ZNF90: variants seen among roughly 807,000 people sequenced by gnomAD.
ZNF90 encodes zinc finger protein 90, also known as zinc finger protein HTF9.
ZNF90 carries 11 observed loss-of-function variants against 12.0 expected under a neutral mutation model. The observed-to-expected ratio is 0.92, with a 90% CI of 0.58 to 1.52. ZNF90 has a LOEUF of 1.52. ZNF90 is among the 40% of genes most tolerant of loss of function. The pLI is 0.00. For synonymous variants in ZNF90, 232 were observed against 240.1 expected (o/e 0.97, Z 0.31); for missense variants, 765 against 711.5 (o/e 1.08, Z -0.86).
chr19:20,117,077 C>T (rs2089144565), intron 3 of ZNF90, among the ~76,000 whole-genome samples: 1 of 146,512 alleles, frequency 6.8e-6, no homozygotes, highest in African/African-American at 2.6e-5. Flanking sequence ...GAATGTCATT[C>T]TGTTCCCTAT....
intron 1 of ZNF90, among the ~76,000 whole-genome samples, chr19:20,085,797 G>T (rs1353039058): frequency 6.6e-6 from 1 of 152,052 alleles, no homozygotes; most frequent in South Asian, 2.1e-4. Flanking sequence ...CATATTAACA[G>T]CTAAATAAAC....
Position 20,108,988 on chromosome 19 carries a change from G to T in ZNF90, c.226+3672G>T, listed in dbSNP as rs894649968. On this transcript the variant is annotated intron_variant, in intron 3 of 3. Coordinates refer to ENST00000418063, the MANE Select transcript of ZNF90 (RefSeq NM_007138.2). ...TCTGCCCACCTCAGCCTCCCAAAGTGCTGGGATTACAGTCTTGAGCCACCG... is the reference window on the plus strand; with the variant it reads ...TCTGCCCACCTCAGCCTCCCAAAGTTCTGGGATTACAGTCTTGAGCCACCG... Among the ~76,000 whole-genome samples, 5 of 151,982 alleles carry T rather than the reference G, an allele frequency of 3.3e-5. No individual in the cohort carries two copies. The East Asian group carries it at 9.7e-4, about 29-fold the overall frequency.
intron 3 of ZNF90, among the ~76,000 whole-genome samples, chr19:20,108,141 A>G (rs1373812030): frequency 7.3e-6 from 1 of 137,862 alleles, no homozygotes; most frequent in South Asian, 2.3e-4. Context: ...TAACAAATCT[A>G]GTTTTAAATG....
At chr19:20,095,227 G>T (rs1299699222) in intron 1 of ZNF90, among the ~76,000 whole-genome samples, 1 of 152,118 alleles carries the variant, frequency 6.6e-6, no homozygotes, top group Non-Finnish European at 1.5e-5. Context: ...AAAATGCCTG[G>T]ACGTAAGGCA....
chr19:20,118,650 G>A lies in ZNF90; in HGVS notation c.1096G>A (p.Glu366Lys). The A allele has an allele frequency of 6.4e-7, 1 of 1,568,580 alleles. No homozygotes were observed. Among genetic ancestry groups the A allele is most frequent in the Non-Finnish European group, 8.6e-7 (1 of 1,157,722 alleles). Reference sequence around the variant, plus strand: ...TACACATAAGAGAATTCATACTGGAGAGAAACCCTACAAGTGTGATAAATG... The same window carrying A: ...TACACATAAGAGAATTCATACTGGAAAGAAACCCTACAAGTGTGATAAATG... ...LRTHKRIHTG[E>K]KPYKCDKCGK... Residue 366 changes from glutamate (E) to lysine (K), a missense_variant, in exon 4 of 4, where the codon GAG (glutamate) becomes AAG (lysine). Physicochemically the swap from Glu to Lys is moderately conservative, Grantham distance 56. Transcript: ENST00000418063.
chr19:20,104,995 AAAACAAAAAAC>A (rs530498947), intron 2 of ZNF90, among the ~76,000 whole-genome samples: 108 of 152,296 alleles, frequency 7.1e-4, no homozygotes, highest in South Asian at 6.0e-3. Context: ...TCCGTCTGAA[AAAACAAAAAAC>A]AAACAAAAAA....
At chr19:20,117,163 C>G (rs988195975) in intron 3 of ZNF90, among the ~76,000 whole-genome samples, 6 of 151,726 alleles carry the variant, frequency 4.0e-5, no homozygotes, top group Non-Finnish European at 8.8e-5. Context: ...CTGCCTAAGC[C>G]TCCCAAGTAG....
chr19:20,117,924 A>C lies in ZNF90; in HGVS notation c.370A>C (p.Lys124Gln), dbSNP rs782254804. 1.4e-5 allele frequency: 23 copies of C among 1,613,110 alleles called. No homozygotes were observed. The highest frequency in any genetic ancestry group is 1.8e-5 in the Non-Finnish European group (21 of 1,179,710). The stretch of plus-strand genomic sequence containing the variant: ...AGGTTGTGAAAGTGTGGATGAGGGT[A>C]AAGTACACAAAAGAGGTTATAATGG... ...KKGCESVDEG[K>Q]VHKRGYNGLN... The change falls in exon 4 of 4, where the codon AAA becomes CAA. Residue 124 changes from lysine to glutamine, a missense_variant. Lys to Gln is a moderately conservative substitution (Grantham distance 53, BLOSUM62 1). Coordinates refer to ENST00000418063, the MANE Select transcript of ZNF90 (RefSeq NM_007138.2).
Position 20,117,859 on chromosome 19 carries a change from G to T in ZNF90, c.305G>T (p.Arg102Ile), listed in dbSNP as rs2122530552. 1 of 1,608,348 alleles carries T rather than the reference G, an allele frequency of 6.2e-7. No individual in the cohort carries two copies. ...TCCTTCCAAAAAGTGATAGTGACAAGATATGAAAAACGTGAATATGGCAAT... is the reference window on the plus strand; with the variant it reads ...TCCTTCCAAAAAGTGATAGTGACAATATATGAAAAACGTGAATATGGCAAT... Reference protein sequence around the residue: ...KDSFQKVIVTRYEKREYGNLE... With the variant: ...KDSFQKVIVTIYEKREYGNLE... The change falls in exon 4 of 4, where the codon AGA becomes ATA. Residue 102 changes from arginine (R) to isoleucine (I), a missense_variant. Coordinates refer to ENST00000418063, the MANE Select transcript of ZNF90 (RefSeq NM_007138.2).
Position 20,119,356 on chromosome 19 carries a change from T to C in ZNF90, c.1802T>C (p.Leu601Pro). The change falls in exon 4 of 4, where the codon CTT becomes CCT. Residue 601 changes from leucine (L) to proline (P), a missense_variant. Physicochemically the swap from Leu to Pro is moderately conservative, Grantham distance 98 (BLOSUM62 -3). Coordinates refer to ENST00000418063, the MANE Select transcript of ZNF90 (RefSeq NM_007138.2). ...TACATAGTGAAGAACATGGCAAATC[T>C]TTGAAATATTCCTCAACCCTTAATA... ...KAYIVKNMAN[L>P] 1 of 1,575,630 alleles carries C rather than the reference T, an allele frequency of 6.3e-7. No homozygotes were observed. The highest frequency in any genetic ancestry group is 8.6e-7 in the Non-Finnish European group (1 of 1,160,342).
rs1480614767 is a variant in ZNF90, at chr19:20,118,133, A to T, written c.579A>T (p.Lys193Asn). The part of the protein sequence containing the change: ...NQSSTLATHK[K>N]IHTGEITCKC... Reference sequence around the variant, plus strand: ...CCTCAACCCTTGCTACACATAAGAAAATTCATACTGGAGAGATAACCTGCA... The same window carrying T: ...CCTCAACCCTTGCTACACATAAGAATATTCATACTGGAGAGATAACCTGCA... The change falls in exon 4 of 4, where the codon AAA (lysine) becomes AAT (asparagine). Residue 193 changes from lysine to asparagine, a missense_variant. Coordinates refer to ENST00000418063, the MANE Select transcript of ZNF90 (RefSeq NM_007138.2). 1 of 1,610,858 alleles carries T rather than the reference A, an allele frequency of 6.2e-7. No individual in the cohort carries two copies. Among genetic ancestry groups the T allele is most frequent in the African/African-American group, 1.3e-5 (1 of 75,052 alleles).
rs973745560 is a variant in ZNF90, at chr19:20,120,312, T to G, written c.*952T>G. ...TATGCTCAAGAAATCTTTCAGAAAA[T>G]AGAAGCCTTTAAAGTGAAGAAGAGT... On this transcript the variant is annotated 3_prime_UTR_variant, in exon 4 of 4. Coordinates refer to ENST00000418063, the MANE Select transcript of ZNF90 (RefSeq NM_007138.2). 6.6e-6 allele frequency among the ~76,000 whole-genome samples: 1 copy of G among 152,092 alleles called. No homozygotes were observed. The highest frequency in any genetic ancestry group is 1.5e-5 in the Non-Finnish European group (1 of 68,010).
chr19:20,113,182 T>A (rs990554391), intron 3 of ZNF90, among the ~76,000 whole-genome samples: 7 of 151,966 alleles, frequency 4.6e-5, no homozygotes, highest in East Asian at 1.9e-4. Context: ...TTTTTTATTT[T>A]TTTTTCTTTT....
chr19:20,118,408 A>T lies in ZNF90; in HGVS notation c.854A>T (p.Tyr285Phe). 6.2e-7 allele frequency: 1 copy of T among 1,610,318 alleles called. No individual in the cohort carries two copies. The highest frequency in any genetic ancestry group is 8.5e-7 in the Non-Finnish European group (1 of 1,177,932). The stretch of plus-strand genomic sequence containing the variant: ...AGAATTCATACTGGAGAGAAACCCT[A>T]CAAGTGTGATAAATGTGGCAGAGCA... The part of the protein sequence containing the change: ...HKRIHTGEKP[Y>F]KCDKCGRAFI... The change falls in exon 4 of 4, where the codon TAC (tyrosine) becomes TTC (phenylalanine). Residue 285 changes from tyrosine (Y) to phenylalanine (F), a missense_variant. Physicochemically the swap from Tyr to Phe is conservative, Grantham distance 22. Coordinates refer to ENST00000418063, the MANE Select transcript of ZNF90 (RefSeq NM_007138.2).
chr19:20,115,869 T>C (rs2089132625), intron 3 of ZNF90, among the ~76,000 whole-genome samples: 1 of 152,070 alleles, frequency 6.6e-6, no homozygotes, highest in South Asian at 2.1e-4. Context: ...ATTATTATGT[T>C]TTATTTATTT....
chr19:20,116,979 T>A (rs1314093038), intron 3 of ZNF90, among the ~76,000 whole-genome samples: 2 of 135,260 alleles, frequency 1.5e-5, no homozygotes, highest in African/African-American at 2.8e-5. Flanking sequence ...TGTTTTTCTT[T>A]AAAAAAAAAA....
chr19:20,112,016 G>A (rs1002172124), intron 3 of ZNF90, among the ~76,000 whole-genome samples: 5 of 151,744 alleles, frequency 3.3e-5, no homozygotes, highest in Non-Finnish European at 7.4e-5. Context: ...GCACCACCAT[G>A]CCCGCCTAAT....
chr19:20,108,190 A>G (rs1180572261), intron 3 of ZNF90, among the ~76,000 whole-genome samples: 2 of 152,244 alleles, frequency 1.3e-5, no homozygotes, highest in African/African-American at 2.4e-5. Context: ...TCTTCTATTT[A>G]TAATTATGCT....
chr19:20,105,091 G>T (rs2089023021), intron 2 of ZNF90, 130 bp from the exon 3 acceptor site: 2 of 504,794 alleles, frequency 4.0e-6, no homozygotes, highest in Non-Finnish European at 6.3e-6. Flanking sequence ...TAAATCTTTT[G>T]AAATTTTTTT....
Sources: gnomAD v4.1 joint callset for allele counts (sites outside exome capture counted in the v4.1 genomes callset) on GRCh38, gnomAD v4.1.1 for gene constraint, MANE v1.5 for transcripts, NCBI Gene and HGNC (gene_info 2026-07-23, HGNC 2026-07-21) for gene names.